Variants in CCDC30 observed in about 807,000 individuals in gnomAD.
CCDC30 encodes the protein coiled-coil domain containing 30, also known as coiled-coil domain-containing protein 30.
Under a neutral mutation model 100.2 loss-of-function variants are expected in CCDC30, and 70 were observed. The observed-to-expected ratio is 0.70, with a 90% CI of 0.58 to 0.85. CCDC30 has a LOEUF of 0.85. Among genes scored for constraint, CCDC30 ranks in the 40% least tolerant of loss-of-function variants. CCDC30 has a pLI of 0.00. For missense variants in CCDC30, 652 were observed against 771.2 expected (o/e 0.85, Z 1.83); for synonymous variants, 233 against 269.5 (o/e 0.86, Z 1.33).
chr1:42,471,328 G>T (rs992969668), intron 1 of CCDC30, among the ~76,000 whole-genome samples: 2 of 152,106 alleles, frequency 1.3e-5, no homozygotes, highest in Non-Finnish European at 2.9e-5. Context: ...TTATGCTGTT[G>T]GGCAAGCAAC....
intron 6 of CCDC30, chr1:42,537,617 A>C: frequency 3.8e-6 from 1 of 265,362 alleles, no homozygotes; most frequent in Admixed American, 5.1e-5. Flanking sequence ...TCTCAACCCA[A>C]AGTCTTCCAC....
intron 6 of CCDC30, among the ~76,000 whole-genome samples, chr1:42,564,101 T>C (rs1645555679): frequency 6.6e-6 from 1 of 152,180 alleles, no homozygotes; most frequent in Non-Finnish European, 1.5e-5. Context: ...TTTTAGAAAG[T>C]TGTAGACAGG....
intron 6 of CCDC30, 109 bp downstream of exon 10, chr1:42,556,514 T>C (rs975974701): frequency 8.2e-7 from 1 of 1,222,922 alleles, no homozygotes; most frequent in African/African-American, 1.5e-5. Flanking sequence ...TTTTTATTTT[T>C]TTAGGTACAT....
intron 6 of CCDC30, among the ~76,000 whole-genome samples, chr1:42,531,280 C>G (rs111997141): frequency 0.2 from 30,624 of 152,058 alleles, 3,355 homozygotes; most frequent in South Asian, 0.42. Flanking sequence ...TGAGGCCTCC[C>G]CAGCCATGCT....
intron 11 of CCDC30, among the ~76,000 whole-genome samples, chr1:42,632,242 G>A (rs979343829): frequency 6.6e-6 from 1 of 152,128 alleles, no homozygotes; most frequent in East Asian, 1.9e-4. Context: ...TTTCCTTATG[G>A]CTTAGGGTAT....
intron 13 of CCDC30, among the ~76,000 whole-genome samples, chr1:42,643,304 A>C (rs1187025956): frequency 6.6e-6 from 1 of 152,242 alleles, no homozygotes. Flanking sequence ...CACTCAGCCC[A>C]GTCAGTGACA....
chr1:42,461,543 C>T (rs1643411247), upstream of CCDC30, among the ~76,000 whole-genome samples: 1 of 150,894 alleles, frequency 6.6e-6, no homozygotes. Flanking sequence ...ACTATGTTAC[C>T]CAGGCTCTTT....
At chr1:42,470,038 A>T (rs574157081) in intron 1 of CCDC30, among the ~76,000 whole-genome samples, 1 of 152,304 alleles carries the variant, frequency 6.6e-6, no homozygotes, top group Non-Finnish European at 1.5e-5. Flanking sequence ...GGTGGATAAT[A>T]GTCAAATGCA....
chr1:42,651,001 T>C (rs1038094702), intron 15 of CCDC30, among the ~76,000 whole-genome samples: 2 of 152,114 alleles, frequency 1.3e-5, no homozygotes, highest in African/African-American at 4.8e-5. Context: ...CAAAACGGTA[T>C]TGAGAAAACT....
At chr1:42,477,090 T>C (rs1643891536) in intron 1 of CCDC30, among the ~76,000 whole-genome samples, 1 of 147,324 alleles carries the variant, frequency 6.8e-6, no homozygotes, top group South Asian at 2.1e-4. Flanking sequence ...GGCTTTTTTT[T>C]TTCCCCCCTC....
intron 6 of CCDC30, among the ~76,000 whole-genome samples, chr1:42,550,549 A>G (rs1349097977): frequency 6.6e-6 from 1 of 152,158 alleles, no homozygotes; most frequent in African/African-American, 2.4e-5. Context: ...GGACCTTTGC[A>G]CTAAAAGGTT....
At chr1:42,586,490 A>G (rs1035045799) in intron 9 of CCDC30, among the ~76,000 whole-genome samples, 4 of 152,038 alleles carry the variant, frequency 2.6e-5, no homozygotes. Context: ...AAAAATTTAG[A>G]GACAGGATCT....
chr1:42,515,149 C>T (rs1387555023), intron 6 of CCDC30, among the ~76,000 whole-genome samples: 2 of 148,850 alleles, frequency 1.3e-5, no homozygotes, highest in Non-Finnish European at 3.0e-5. Context: ...GACAGTCATA[C>T]ACAGAGAGAA....
chr1:42,596,826 A>T lies in CCDC30; in HGVS notation c.1164+7343A>T, dbSNP rs900244776. 7.9e-5 allele frequency among the ~76,000 whole-genome samples: 12 copies of T among 152,208 alleles called. No individual in the cohort carries two copies. Among genetic ancestry groups the T allele is most frequent in the Non-Finnish European group, 2.9e-5 (2 of 68,050 alleles). Reference sequence around the variant, plus strand: ...CAGATACAGCAGGAATATTGAAATTATCAGACCAGAAATTGAAAATAACTG... The same window carrying T: ...CAGATACAGCAGGAATATTGAAATTTTCAGACCAGAAATTGAAAATAACTG... On this transcript the variant is annotated intron_variant, in intron 10 of 16. Coordinates refer to ENST00000668663, the Ensembl canonical transcript of CCDC30. This position sits in a 1 kb window ranked among gnomAD's most constrained non-coding sequence, Gnocchi z 4.3.
chr1:42,491,721 G>T (rs867018409), intron 4 of CCDC30: 1 of 221,208 alleles, frequency 4.5e-6, no homozygotes, highest in Non-Finnish European at 9.1e-6. Flanking sequence ...GTAGCCTTTT[G>T]GCTCTGTGAG....
At chr1:42,541,480 G>A (rs1303869523) in intron 6 of CCDC30, among the ~76,000 whole-genome samples, 1 of 152,208 alleles carries the variant, frequency 6.6e-6, no homozygotes, top group Non-Finnish European at 1.5e-5. Context: ...TTCTCACGAT[G>A]TAATTCAGAT....
intron 6 of CCDC30, among the ~76,000 whole-genome samples, chr1:42,515,391 A>G (rs1021517460): frequency 1.1e-4 from 16 of 152,220 alleles, no homozygotes; most frequent in African/African-American, 3.4e-4. Flanking sequence ...GGATTTTGTT[A>G]TGGTAACTAG....
chr1:42,466,454 G>T (rs1328697528), intron 1 of CCDC30, among the ~76,000 whole-genome samples: 1 of 152,136 alleles, frequency 6.6e-6, no homozygotes, highest in Non-Finnish European at 1.5e-5. Flanking sequence ...CCTACTTCAG[G>T]ATGCACTTCT....
At chr1:42,607,523 A>T (rs1340454721) in intron 10 of CCDC30, among the ~76,000 whole-genome samples, 2 of 150,174 alleles carry the variant, frequency 1.3e-5, no homozygotes, top group African/African-American at 2.5e-5. Flanking sequence ...GTTCGAGATC[A>T]GCCTGGGCAA....
Sources: gnomAD v4.1 joint callset for allele counts (sites outside exome capture counted in the v4.1 genomes callset) on GRCh38, gnomAD v4.1.1 for gene constraint, Gnocchi (gnomAD v3.1) non-coding constraint, MANE v1.5 for transcripts, NCBI Gene and HGNC (gene_info 2026-07-23, HGNC 2026-07-21) for gene names.